The following CCPG1 variants were observed in gnomAD, a reference collection of about 807,000 sequenced individuals.
CCPG1 encodes the protein cell cycle progression 1, also known as cell cycle progression protein 1.
A neutral mutation model predicts 81.3 loss-of-function variants in CCPG1; 46 were observed. The observed-to-expected ratio is 0.57, with a 90% CI of 0.45 to 0.72. The LOEUF (loss-of-function observed/expected upper bound fraction) is 0.72, where lower values mean the gene tolerates loss of function less well. Ranked by LOEUF, CCPG1 falls within the 30% of genes least tolerant of loss-of-function variation. The pLI, the probability that CCPG1 is intolerant of heterozygous loss-of-function variation, is 0.00. For missense variants in CCPG1, 902 were observed against 937.6 expected, an observed-to-expected ratio of 0.96 and a Z score of 0.50; for synonymous variants, 330 against 305.2, an observed-to-expected ratio of 1.08 and a Z score of -0.85.
chr15:55,392,334 C>G (rs1246923743), intron 1 of CCPG1, among the ~76,000 whole-genome samples: 2 of 151,492 alleles, frequency 1.3e-5, no homozygotes, highest in Admixed American at 1.3e-4. Context: ...GCCTCAGCCT[C>G]CCGAGTAGCG....
intron 6 of CCPG1, among the ~76,000 whole-genome samples, chr15:55,371,022 A>ACCT (rs2056437944): frequency 6.6e-6 from 1 of 151,856 alleles, no homozygotes; most frequent in Non-Finnish European, 1.5e-5. Flanking sequence ...CTGAGGTAGG[A>ACCT]GAATTGCTAG....
chr15:55,372,101 T>C, intron 5 of CCPG1, 57 bp from the exon 6 acceptor site: 2 of 1,527,920 alleles, frequency 1.3e-6, no homozygotes, highest in Non-Finnish European at 1.8e-6. Flanking sequence ...GCTTTCCCAG[T>C]AAAAATTATT....
chr15:55,355,434 C>G lies in CCPG1; in HGVS notation c.*786G>C. ...TTCAACATGAAGATGAAATTCTGAA[C>G]TTTCCTAGATAAATTAACATTGCTG... On this transcript the variant is annotated 3_prime_UTR_variant, in exon 9 of 9. Transcript: ENST00000442196. The G allele has an allele frequency of 6.2e-7, 1 of 1,604,180 alleles. No homozygotes were observed. Among genetic ancestry groups the G allele is most frequent in the Non-Finnish European group, 8.5e-7 (1 of 1,175,240 alleles).
chr15:55,363,848 G>C lies in CCPG1; in HGVS notation c.828+1340C>G, dbSNP rs1044018345. Among the ~76,000 whole-genome samples, 3 of 124,862 alleles carry C rather than the reference G, an allele frequency of 2.4e-5. No individual in the cohort carries two copies. The Admixed American group carries it at 2.9e-4, about 12-fold the overall frequency. The allele number at this position is 124,862 out of a possible 152,430, so 81.9% of individuals were successfully genotyped here. On this transcript the variant is annotated intron_variant, in intron 7 of 8. Transcript: ENST00000442196. Reference sequence around the variant, plus strand: ...TGAGACAGTCTTCCTCTGTGGCCCAGGCCGGAGTGCAATAGTGTGATCTCA... The same window carrying C: ...TGAGACAGTCTTCCTCTGTGGCCCACGCCGGAGTGCAATAGTGTGATCTCA...
intron 8 of CCPG1, 171 bp downstream of exon 8, chr15:55,359,368 G>A: frequency 7.2e-7 from 1 of 1,384,848 alleles, no homozygotes; most frequent in Non-Finnish European, 9.3e-7. Context: ...ATTTGTAACA[G>A]CTAATAATTT....
At chr15:55,391,934 C>T (rs368246996) in intron 1 of CCPG1, among the ~76,000 whole-genome samples, 3 of 128,860 alleles carry the variant, frequency 2.3e-5, no homozygotes, top group South Asian at 2.5e-4. Flanking sequence ...AACCCCAACA[C>T]GGAGAGGCCA....
intron 1 of CCPG1, among the ~76,000 whole-genome samples, chr15:55,405,414 T>TA (rs539159427): frequency 1.0e-3 from 159 of 152,032 alleles, no homozygotes; most frequent in African/African-American, 3.5e-3. Flanking sequence ...ATGTGACAGC[T>TA]ACTGGGAGGC....
Position 55,360,347 on chromosome 15 carries a change from T to A in CCPG1, c.1426A>T (p.Arg476Trp), listed in dbSNP as rs770431585. 2 of 1,613,804 alleles carry A rather than the reference T, an allele frequency of 1.2e-6. No homozygotes were observed. The highest frequency in any genetic ancestry group is 1.7e-6 in the Non-Finnish European group (2 of 1,179,998). ...GKKKGGRGSH[R>W]AKNKSKETFL... ...GTTTCCTTTGACTTATTTTTAGCCC[T>A]GTGGCTTCCTCTGCCCCCTTTCTTT... is the stretch of plus-strand genomic sequence containing the variant. The change falls in exon 8 of 9, where the codon AGG (arginine) becomes TGG (tryptophan). Residue 476 changes from arginine to tryptophan, a missense_variant. By Grantham distance (101) the Arg-to-Trp change is moderately radical. Transcript: ENST00000442196.
chr15:55,397,438 GT>G (rs2057043230), intron 1 of CCPG1, among the ~76,000 whole-genome samples: 1 of 150,432 alleles, frequency 6.6e-6, no homozygotes, highest in African/African-American at 2.5e-5. Context: ...GAAGCAAGAA[GT>G]TCATTTGCAT....
chr15:55,373,165 C>G (rs2056490349), intron 5 of CCPG1: 19 of 403,892 alleles, frequency 4.7e-5, no homozygotes, highest in South Asian at 3.5e-4. Flanking sequence ...AAATCACCTT[C>G]AGTTTTTTCC....
At chr15:55,379,889 A>C (rs1472000353) in intron 3 of CCPG1, among the ~76,000 whole-genome samples, 1 of 152,080 alleles carries the variant, frequency 6.6e-6, no homozygotes, top group East Asian at 1.9e-4. Flanking sequence ...ACCTGAGGTC[A>C]GGAGTTTGAG....
intron 3 of CCPG1, among the ~76,000 whole-genome samples, chr15:55,378,835 G>A (rs1011263008): frequency 7.2e-5 from 11 of 152,014 alleles, no homozygotes; most frequent in East Asian, 1.9e-4. Context: ...GACTTCAAGC[G>A]ATCCGCCCAC....
chr15:55,389,269 A>T, intron 2 of CCPG1, 96 bp downstream of exon 2: 2 of 878,922 alleles, frequency 2.3e-6, no homozygotes, highest in Non-Finnish European at 1.8e-6. Flanking sequence ...CTTTTTGCTT[A>T]AAGGTAGAAA....
At chr15:55,391,633 T>C (rs1250916548) in intron 1 of CCPG1, among the ~76,000 whole-genome samples, 5 of 152,112 alleles carry the variant, frequency 3.3e-5, no homozygotes, top group East Asian at 3.9e-4. Context: ...GCAAATTTGA[T>C]AGCATTTTTT....
chr15:55,356,770 T>C (rs1372927159), intron 8 of CCPG1: 1 of 1,005,634 alleles, frequency 9.9e-7, no homozygotes, highest in Non-Finnish European at 1.2e-6. Context: ...TACATACACA[T>C]CTCTCACAAA....
At position 55,360,130 on chromosome 15, in the gene CCPG1, C is replaced by A. The variant is rs1036181250; in HGVS notation, c.1643G>T (p.Gly548Val). The A allele has an allele frequency of 3.1e-6, 5 of 1,613,304 alleles. No individual in the cohort carries two copies. Among genetic ancestry groups the A allele is most frequent in the Non-Finnish European group, 4.2e-6 (5 of 1,179,784 alleles). Residue 548 changes from glycine to valine, a missense_variant, in exon 8 of 9, where the codon GGT (glycine) becomes GTT (valine). Coordinates refer to ENST00000442196, the MANE Select transcript of CCPG1 (RefSeq NM_001204450.2). ...DTTKNIFDEK[G>V]NKRFGATKEA... ...TTTTGTAGCACCAAATCTTTTATTA[C>A]CCTTTTCATCAAAGATATTCTTGGT...
chr15:55,355,308 C>T lies in CCPG1; in HGVS notation c.*912G>A. 1 of 1,609,428 alleles carries T rather than the reference C, an allele frequency of 6.2e-7. No homozygotes were observed. Among genetic ancestry groups the T allele is most frequent in the Non-Finnish European group, 8.5e-7 (1 of 1,177,342 alleles). ...TAGGAAATAAGCGCTTTCCTAATTT[C>T]AAGCAATTATAAAAGAACTGCTGTT... On this transcript the variant is annotated 3_prime_UTR_variant, in exon 9 of 9. Transcript: ENST00000442196.
chr15:55,397,170 C>CCT (rs2057035022), intron 1 of CCPG1, among the ~76,000 whole-genome samples: 1 of 151,326 alleles, frequency 6.6e-6, no homozygotes, highest in Non-Finnish European at 1.5e-5. Flanking sequence ...GCCGAGATGG[C>CCT]GCCACTGCAC....
chr15:55,377,120 T>C lies in CCPG1; in HGVS notation c.283A>G (p.Ile95Val), dbSNP rs2056582613. The C allele has an allele frequency of 1.2e-6, 2 of 1,613,352 alleles. No homozygotes were observed. The highest frequency in any genetic ancestry group is 1.7e-5 in the Admixed American group (1 of 60,028). Residue 95 changes from isoleucine (I) to valine (V), a missense_variant, in exon 5 of 9, where the codon ATC becomes GTC. Around this residue, in one of 3 missense-constraint regions of CCPG1, gnomAD observed 746 missense variants for 728.6 expected, o/e 1.02. Transcript: ENST00000442196. Reference sequence around the variant, plus strand: ...TCATCACTGGCAGTTCCAATATAGATACTGTCTTCGGGTATCTTTTGTTCC... The same window carrying C: ...TCATCACTGGCAGTTCCAATATAGACACTGTCTTCGGGTATCTTTTGTTCC... ...AEEQKIPEDS[I>V]YIGTASDDSD... is the part of the protein sequence containing the mutation.
Sources: gnomAD v4.1 joint callset for allele counts (sites outside exome capture counted in the v4.1 genomes callset) on GRCh38, gnomAD v4.1.1 for gene constraint, gnomAD v4.1.1 regional missense constraint, MANE v1.5 for transcripts, NCBI Gene and HGNC (gene_info 2026-07-23, HGNC 2026-07-21) for gene names.